CLIC2: variants seen among roughly 807,000 people sequenced by gnomAD.
CLIC2 encodes the protein CLIC family member 2.
A neutral mutation model predicts 14.8 loss-of-function variants in CLIC2; 9 were observed. The ratio of observed to expected loss-of-function variants is 0.61; its 90% CI spans 0.37 to 1.06. The LOEUF (loss-of-function observed/expected upper bound fraction) is 1.06, where lower values mean the gene tolerates loss of function less well. CLIC2 is among the 50% of genes least tolerant of loss of function. The pLI is 0.01. For missense variants in CLIC2, 148 were observed against 181.4 expected, an observed-to-expected ratio of 0.82 and a Z score of 1.06; for synonymous variants, 61 against 66.3, an observed-to-expected ratio of 0.92 and a Z score of 0.39.
At chrX:155,312,965 G>T (rs1453883320) in intron 1 of CLIC2, among the ~76,000 whole-genome samples, 1 of 110,957 alleles carries the variant, frequency 9.0e-6, no homozygotes, top group African/African-American at 3.3e-5. Context: ...TGAAAAAAAA[G>T]TTCAACACCC....
chrX:155,315,425 A>G (rs1191740492), intron 1 of CLIC2, among the ~76,000 whole-genome samples: 3 of 112,243 alleles, frequency 2.7e-5, no homozygotes, highest in Admixed American at 9.4e-5. Context: ...CAGAAACCCT[A>G]CAAGCTAAAA....
chrX:155,332,885 T>G (rs2075161494), intron 1 of CLIC2, among the ~76,000 whole-genome samples: 1 of 112,272 alleles, frequency 8.9e-6, no homozygotes, highest in South Asian at 3.6e-4. Flanking sequence ...AGGGAACACT[T>G]TAGTTACCCA....
intron 3 of CLIC2, among the ~76,000 whole-genome samples, chrX:155,296,400 T>C (rs782143640): frequency 1.8e-5 from 2 of 111,502 alleles, no homozygotes; most frequent in Non-Finnish European, 3.8e-5. Flanking sequence ...CTCAAAACTA[T>C]AAAAATAATA....
chrX:155,290,680 G>A lies in CLIC2; in HGVS notation c.293+8105C>T, dbSNP rs782198210. The A allele has an allele frequency of 6.7e-5, 66 of 980,674 alleles. No homozygotes were observed. The East Asian group carries it at 1.9e-3, about 29-fold the overall frequency. 80.8% of individuals were successfully genotyped at this position (980,674 alleles called of 1,213,427 possible). On this transcript the variant is annotated intron_variant, in intron 3 of 5. Coordinates refer to ENST00000369449, the MANE Select transcript of CLIC2 (RefSeq NM_001289.6). ...TGTTTATACAGAAAGAAATGGTAAC[G>A]AGCTGAATCCTTGGGAATCCTCTTT...
intron 1 of CLIC2, among the ~76,000 whole-genome samples, chrX:155,310,958 G>C (rs781830459): frequency 8.9e-6 from 1 of 112,038 alleles, no homozygotes; most frequent in Admixed American, 9.4e-5. Context: ...CTGGGATGCA[G>C]GGCACCAAGT....
intron 1 of CLIC2, among the ~76,000 whole-genome samples, chrX:155,324,864 T>C (rs2075130500): frequency 8.9e-6 from 1 of 111,732 alleles, no homozygotes; most frequent in Admixed American, 9.5e-5. Context: ...AATCTATCCA[T>C]CTGACAAGGG....
Position 155,304,865 on chromosome X carries a change from G to C in CLIC2, c.58-5720C>G, listed in dbSNP as rs781805914. Among the ~76,000 whole-genome samples the C allele has an allele frequency of 1.8e-3, 167 of 93,248 alleles. 4 individuals are homozygous for C. The highest frequency in any genetic ancestry group is 0.016 in the Admixed American group (128 of 8,250). 81.0% of individuals were successfully genotyped at this position (93,248 alleles called of 115,157 possible). Reference sequence around the variant, plus strand: ...TGTGAGGTGTCAGTGTGCCCCTGCTGGGGGGTGCCTCCCAGTTAGGCTGCT... The same window carrying C: ...TGTGAGGTGTCAGTGTGCCCCTGCTCGGGGGTGCCTCCCAGTTAGGCTGCT... On this transcript the variant is annotated intron_variant, in intron 1 of 5. Transcript: ENST00000369449.
At chrX:155,305,690 A>C (rs1227983527) in intron 1 of CLIC2, among the ~76,000 whole-genome samples, 10 of 112,010 alleles carry the variant, frequency 8.9e-5, no homozygotes, top group African/African-American at 3.2e-4. Context: ...ACAGTTTTTA[A>C]TTTTTTTATG....
At chrX:155,293,126 G>C in intron 3 of CLIC2, 1 of 630,896 alleles carries the variant, frequency 1.6e-6, no homozygotes, top group Non-Finnish European at 2.7e-6. Flanking sequence ...GATGAGAAGC[G>C]GAAAAATAAA....
intron 3 of CLIC2, among the ~76,000 whole-genome samples, chrX:155,296,882 AC>A (rs2074994029): frequency 8.9e-6 from 1 of 111,979 alleles, no homozygotes; most frequent in Admixed American, 9.5e-5. Flanking sequence ...AAATATAGCC[AC>A]TATGGAAAAC....
Position 155,332,207 on chromosome X carries a change from C to T in CLIC2, c.57+2164G>A, listed in dbSNP as rs1308061882. 1.1e-4 allele frequency among the ~76,000 whole-genome samples: 12 copies of T among 111,796 alleles called. 1 individual carries two copies. Among genetic ancestry groups the T allele is most frequent in the Non-Finnish European group, 7.6e-5 (4 of 52,943 alleles). On this transcript the variant is annotated intron_variant, in intron 1 of 5. Transcript: ENST00000369449. ...TTGACTACACAGAACACATAGATATCGTAGTATAAATTCTTAATTGTGACA... is the reference window on the plus strand; with the variant it reads ...TTGACTACACAGAACACATAGATATTGTAGTATAAATTCTTAATTGTGACA...
intron 1 of CLIC2, among the ~76,000 whole-genome samples, chrX:155,320,920 C>A (rs1225396639): frequency 6.3e-5 from 7 of 111,301 alleles, no homozygotes; most frequent in Non-Finnish European, 1.3e-4. Flanking sequence ...GAAGCATACA[C>A]AAGTATCAAT....
intron 3 of CLIC2, among the ~76,000 whole-genome samples, chrX:155,298,243 C>A (rs1373240831): frequency 8.9e-6 from 1 of 111,902 alleles, no homozygotes; most frequent in Non-Finnish European, 1.9e-5. Flanking sequence ...TTTTAAGATA[C>A]TAAGTTTGTG....
intron 3 of CLIC2, among the ~76,000 whole-genome samples, chrX:155,281,449 T>C (rs1246441592): frequency 9.0e-6 from 1 of 110,970 alleles, no homozygotes; most frequent in African/African-American, 3.3e-5. Context: ...TATCAAGACA[T>C]CATGTGATAT....
intron 1 of CLIC2, among the ~76,000 whole-genome samples, chrX:155,306,757 T>C (rs1333743865): frequency 2.7e-5 from 3 of 109,616 alleles, no homozygotes; most frequent in African/African-American, 1.0e-4. Flanking sequence ...GAGTGGGGGA[T>C]GAGATGCCAC....
At chrX:155,286,050 A>G (rs182299671) in intron 3 of CLIC2, among the ~76,000 whole-genome samples, 1 of 111,344 alleles carries the variant, frequency 9.0e-6, no homozygotes, top group East Asian at 2.8e-4. Context: ...TGTCATGGGA[A>G]TTTGCTGTAC....
intron 1 of CLIC2, among the ~76,000 whole-genome samples, chrX:155,305,183 C>T (rs1250652582): frequency 3.6e-5 from 4 of 112,165 alleles, no homozygotes; most frequent in East Asian, 2.8e-4. Context: ...CCCAGCCTCG[C>T]TGCCACCTTG....
At chrX:155,315,778 A>G (rs2075093043) in intron 1 of CLIC2, among the ~76,000 whole-genome samples, 1 of 111,476 alleles carries the variant, frequency 9.0e-6, no homozygotes, top group African/African-American at 3.3e-5. Flanking sequence ...ACTAACATTG[A>G]ATGTAAATGG....
intron 3 of CLIC2, among the ~76,000 whole-genome samples, chrX:155,283,881 G>A (rs1557316822): frequency 8.9e-6 from 1 of 111,772 alleles, no homozygotes; most frequent in Non-Finnish European, 1.9e-5. Context: ...TGTGGCCTCT[G>A]AAATATTTGT....
Sources: gnomAD v4.1 joint callset for allele counts (sites outside exome capture counted in the v4.1 genomes callset) on GRCh38, gnomAD v4.1.1 for gene constraint, MANE v1.5 for transcripts, NCBI Gene and HGNC (gene_info 2026-07-23, HGNC 2026-07-21) for gene names.